The following KCNMA1 variants were observed in gnomAD, a reference collection of about 807,000 sequenced individuals.
The protein encoded by KCNMA1 is Calcium-activated potassium channel subunit alpha-1.
Under a neutral mutation model 140.0 loss-of-function variants are expected in KCNMA1, and 29 were observed. That is an observed-to-expected ratio of 0.21 (90% CI 0.15 to 0.28). KCNMA1 has a LOEUF of 0.28. KCNMA1 is among the 10% of genes least tolerant of loss of function. The probability of loss-of-function intolerance (pLI) is 1.00; values close to 1 mark genes in which losing one functional copy is unlikely to be tolerated. For synonymous variants in KCNMA1, 612 were observed against 611.9 expected (o/e 1.00, Z 0.00); for missense variants, 880 against 1,602.2 (o/e 0.55, Z 7.70).
intron 14 of KCNMA1, among the ~76,000 whole-genome samples, chr10:77,060,546 C>T (rs150521524): frequency 7.2e-5 from 11 of 152,290 alleles, no homozygotes; most frequent in African/African-American, 2.2e-4. Flanking sequence ...ATTGATCACA[C>T]CCAAAGTCTC....
intron 20 of KCNMA1, among the ~76,000 whole-genome samples, chr10:76,965,168 C>T (rs2073373531): frequency 6.6e-6 from 1 of 152,178 alleles, no homozygotes; most frequent in Non-Finnish European, 1.5e-5. Context: ...AGGCACCACC[C>T]CACTAAGTAG....
intron 2 of KCNMA1, among the ~76,000 whole-genome samples, chr10:77,387,812 T>C (rs2095669516): frequency 6.6e-6 from 1 of 152,062 alleles, no homozygotes; most frequent in South Asian, 2.1e-4. Flanking sequence ...GAGACAGGGT[T>C]TTAGCATGTT....
At chr10:77,402,335 T>C (rs1242708001) in intron 2 of KCNMA1, among the ~76,000 whole-genome samples, 4 of 152,216 alleles carry the variant, frequency 2.6e-5, no homozygotes, top group African/African-American at 4.8e-5. Context: ...CTGTCCCTCC[T>C]GGGTCACACC....
chr10:77,438,958 C>T (rs1371200603), intron 1 of KCNMA1, among the ~76,000 whole-genome samples: 2 of 152,200 alleles, frequency 1.3e-5, no homozygotes, highest in Admixed American at 6.5e-5. Flanking sequence ...TGCCTGTGGT[C>T]CCAGCTACTC....
At position 77,333,283 on chromosome 10, in the gene KCNMA1, T is replaced by G. The variant is rs2087249967; in HGVS notation, c.540+70579A>C. ...GCCTGGCACATGCCTGTAAGTCCAG[T>G]ACTTTGGGAGGATTGAACCCAGGAG... On this transcript the variant is annotated intron_variant, in intron 2 of 27. Coordinates refer to ENST00000286628, the MANE Select transcript of KCNMA1 (RefSeq NM_001161352.2). Among the ~76,000 whole-genome samples the G allele has an allele frequency of 2.7e-5, 4 of 148,606 alleles. No individual in the cohort carries two copies. The Admixed American group carries it at 2.7e-4, about 10-fold the overall frequency.
chr10:77,196,270 C>T (rs1460189478), intron 3 of KCNMA1, among the ~76,000 whole-genome samples: 1 of 152,098 alleles, frequency 6.6e-6, no homozygotes, highest in Non-Finnish European at 1.5e-5. Flanking sequence ...TTCAGAAATC[C>T]TTTCATTTTA....
chr10:77,094,312 T>C (rs146436023), intron 9 of KCNMA1, among the ~76,000 whole-genome samples: 32 of 152,150 alleles, frequency 2.1e-4, no homozygotes, highest in Middle Eastern at 3.4e-3. Flanking sequence ...GCAATCTGGG[T>C]CTCCCACTTC....
intron 23 of KCNMA1, chr10:76,939,336 G>T (rs557015177): frequency 2.8e-4 from 43 of 152,166 alleles, no homozygotes; most frequent in African/African-American, 9.6e-4. Flanking sequence ...TAGCCAGGAT[G>T]GTCTCGATCT....
chr10:77,368,797 C>T (rs188702397), intron 2 of KCNMA1, among the ~76,000 whole-genome samples: 2 of 152,294 alleles, frequency 1.3e-5, no homozygotes, highest in East Asian at 1.9e-4. Context: ...AGAAAAGACT[C>T]CTTCTCCATT....
chr10:77,345,154 A>G (rs2091896281), intron 2 of KCNMA1, among the ~76,000 whole-genome samples: 1 of 152,226 alleles, frequency 6.6e-6, no homozygotes, highest in South Asian at 2.1e-4. Context: ...GATTGAATGA[A>G]TAATAAATAA....
At chr10:76,947,992 GTTGT>G (rs1053705800) in intron 22 of KCNMA1, among the ~76,000 whole-genome samples, 1 of 10,462 alleles carries the variant, frequency 9.6e-5, no homozygotes, top group Non-Finnish European at 2.6e-4. Flanking sequence ...ATGTTCCTCA[GTTGT>G]TTCTTGTTTT....
rs2093795246 is a variant in KCNMA1, at chr10:77,636,819, G to A, written c.378+446C>T. On this transcript the variant is annotated intron_variant, in intron 1 of 27. Coordinates refer to ENST00000286628, the MANE Select transcript of KCNMA1 (RefSeq NM_001161352.2). The stretch of plus-strand genomic sequence containing the variant: ...CTCATCTCCCCAACAGGTTCCTAAA[G>A]TATGGGCGGATGTGCTCCCTCTCGC... 4.9e-6 allele frequency: 7 copies of A among 1,440,486 alleles called. No individual in the cohort carries two copies. In the South Asian group the frequency reaches 1.0e-4, roughly 21 times the overall value. 89.2% of individuals were successfully genotyped at this position (1,440,486 alleles called of 1,614,324 possible).
At chr10:77,283,011 C>A (rs1159153619) in intron 2 of KCNMA1, among the ~76,000 whole-genome samples, 1 of 152,198 alleles carries the variant, frequency 6.6e-6, no homozygotes, top group Admixed American at 6.5e-5. Flanking sequence ...CCAGTGAAGG[C>A]CAACCTTCGT....
At chr10:77,215,861 G>A (rs1432194222) in intron 3 of KCNMA1, among the ~76,000 whole-genome samples, 2 of 150,946 alleles carry the variant, frequency 1.3e-5, no homozygotes, top group Non-Finnish European at 2.9e-5. Flanking sequence ...CAGTGAGCTT[G>A]CCCCTCCCCC....
In KCNMA1 at chr10:77,041,151, C is replaced by CTTTT. The variant is rs1162318311; in HGVS notation, c.1750-1518_1750-1515dup. 3.8e-3 allele frequency among the ~76,000 whole-genome samples: 6 copies of CTTTT among 1,584 alleles called. 2 individuals carry two copies. The highest frequency in any genetic ancestry group is 6.5e-3 in the Admixed American group (1 of 154). The allele number at this position is 1,584 out of a possible 152,430, so 1.0% of individuals were successfully genotyped here. On this transcript the variant is annotated intron_variant, in intron 14 of 27. Coordinates refer to ENST00000286628, the MANE Select transcript of KCNMA1 (RefSeq NM_001161352.2). ...TGTGCACCACCATGCCTGGCTAATT[C>CTTTT]TTTTTTTTTTTTTTTTTTTTTTTTT...
intron 2 of KCNMA1, among the ~76,000 whole-genome samples, chr10:77,318,685 G>T (rs919197452): frequency 6.6e-6 from 1 of 152,118 alleles, no homozygotes; most frequent in African/African-American, 2.4e-5. Context: ...TTTGTGAAAG[G>T]ACAGTTGAAA....
At chr10:77,601,838 A>C (rs903772534) in intron 1 of KCNMA1, among the ~76,000 whole-genome samples, 5 of 152,150 alleles carry the variant, frequency 3.3e-5, no homozygotes, top group African/African-American at 1.2e-4. Flanking sequence ...GATACAGCAA[A>C]TTTTTTGGAC....
chr10:77,635,414 G>C (rs1291156325), intron 1 of KCNMA1: 1 of 152,150 alleles, frequency 6.6e-6, no homozygotes, highest in African/African-American at 2.4e-5. Context: ...CTGTTAAAAA[G>C]TTCACCCAGA....
At chr10:76,957,125 C>G (rs1194131261) in intron 20 of KCNMA1, among the ~76,000 whole-genome samples, 1 of 49,056 alleles carries the variant, frequency 2.0e-5, no homozygotes, top group Non-Finnish European at 3.5e-5. Context: ...GAGACTCTGT[C>G]TCAAAAAAAA....
Sources: gnomAD v4.1 joint callset for allele counts (sites outside exome capture counted in the v4.1 genomes callset) on GRCh38, gnomAD v4.1.1 for gene constraint, MANE v1.5 for transcripts, NCBI Gene and HGNC (gene_info 2026-07-23, HGNC 2026-07-21) for gene names.